Variants in CCDC6 observed in about 807,000 individuals in gnomAD.
CCDC6 encodes the protein coiled-coil domain containing 6.
Under a neutral mutation model 56.6 loss-of-function variants are expected in CCDC6, and 20 were observed. The observed-to-expected ratio is 0.35, with a 90% CI of 0.25 to 0.51. The LOEUF (loss-of-function observed/expected upper bound fraction) is 0.51, where lower values mean the gene tolerates loss of function less well. CCDC6 is among the 20% of genes least tolerant of loss of function. The probability of loss-of-function intolerance (pLI) is 0.95; values close to 1 mark genes in which losing one functional copy is unlikely to be tolerated. For synonymous variants in CCDC6, 241 were observed against 234.4 expected, an observed-to-expected ratio of 1.03 and a Z score of -0.26; for missense variants, 367 against 601.1, an observed-to-expected ratio of 0.61 and a Z score of 4.07.
chr10:59,815,049 C>T (rs575431223), intron 3 of CCDC6, among the ~76,000 whole-genome samples: 14 of 152,234 alleles, frequency 9.2e-5, no homozygotes, highest in Middle Eastern at 3.4e-3. Flanking sequence ...TAGGGGAGTT[C>T]GGTGTACTAG....
chr10:59,859,154 T>C (rs2071103204), intron 1 of CCDC6, among the ~76,000 whole-genome samples: 2 of 151,466 alleles, frequency 1.3e-5, no homozygotes, highest in Admixed American at 1.3e-4. Context: ...CAAGGATTAA[T>C]GAGAATACAA....
intron 1 of CCDC6, among the ~76,000 whole-genome samples, chr10:59,887,549 T>C (rs930937450): frequency 1.3e-5 from 2 of 150,302 alleles, no homozygotes; most frequent in African/African-American, 2.4e-5. Flanking sequence ...CAGAACAGAA[T>C]ATAATATCAT....
chr10:59,810,963 C>T lies in CCDC6; in HGVS notation c.847+1672G>A, dbSNP rs540590434. On this transcript the variant is annotated intron_variant, in intron 5 of 8. Transcript: ENST00000263102. ...TCAGAGTGAAAAGAAGATGTAACAA[C>T]AGAGGCAGAGGTGGGGTGGTACGAC... 4.6e-5 allele frequency among the ~76,000 whole-genome samples: 7 copies of T among 152,168 alleles called. No homozygotes were observed. In the East Asian group the frequency reaches 1.2e-3, roughly 25 times the overall value.
intron 1 of CCDC6, among the ~76,000 whole-genome samples, chr10:59,905,617 T>A (rs1203871324): frequency 6.6e-6 from 1 of 151,416 alleles, no homozygotes; most frequent in Non-Finnish European, 1.5e-5. Context: ...TCCCGCCCCC[T>A]CCCCGGGCGA....
chr10:59,904,931 A>G (rs1252090862), intron 1 of CCDC6, among the ~76,000 whole-genome samples: 1 of 152,244 alleles, frequency 6.6e-6, no homozygotes, highest in Non-Finnish European at 1.5e-5. Context: ...GGGGCATCCT[A>G]AACTTGCTCC....
intron 1 of CCDC6, among the ~76,000 whole-genome samples, chr10:59,898,612 C>T (rs1004534269): frequency 6.6e-6 from 1 of 152,212 alleles, no homozygotes; most frequent in Non-Finnish European, 1.5e-5. Context: ...GTATTCCCTA[C>T]AGCACCAGGC....
At chr10:59,819,483 A>G (rs1041182709) in intron 3 of CCDC6, among the ~76,000 whole-genome samples, 1 of 152,138 alleles carries the variant, frequency 6.6e-6, no homozygotes, top group African/African-American at 2.4e-5. Flanking sequence ...TTTCCCCACC[A>G]CTTCCTGCCC....
chr10:59,879,110 C>T (rs975495659), intron 1 of CCDC6, among the ~76,000 whole-genome samples: 3 of 152,068 alleles, frequency 2.0e-5, no homozygotes, highest in African/African-American at 7.2e-5. Flanking sequence ...AGTGAAGGGT[C>T]AAGTGTGATT....
At chr10:59,885,355 ATTAAAGTACCATT>A (rs939006178) in intron 1 of CCDC6, among the ~76,000 whole-genome samples, 20 of 152,344 alleles carry the variant, frequency 1.3e-4, no homozygotes, top group African/African-American at 4.1e-4. Flanking sequence ...AAGAGAATGG[ATTAAAGTACCATT>A]TTTGCAGGTC....
chr10:59,859,004 T>C (rs916619626), intron 1 of CCDC6, among the ~76,000 whole-genome samples: 2 of 152,098 alleles, frequency 1.3e-5, no homozygotes, highest in Non-Finnish European at 2.9e-5. Context: ...TGCTTTCTCC[T>C]CTAAAGTGAA....
chr10:59,832,743 T>C (rs1362238333), intron 2 of CCDC6, 90 bp from the exon 3 acceptor site: 4 of 1,398,354 alleles, frequency 2.9e-6, no homozygotes, highest in Non-Finnish European at 3.9e-6. Context: ...ACAAAGAAGC[T>C]ATACCACAAA....
intron 5 of CCDC6, 104 bp from the exon 6 acceptor site, chr10:59,807,182 T>C (rs748708363): frequency 1.5e-5 from 15 of 1,017,148 alleles, no homozygotes; most frequent in South Asian, 3.2e-5. Context: ...ACAGAGGGAA[T>C]TGTTACAAGA....
chr10:59,803,437 T>C (rs1201619205), intron 7 of CCDC6, among the ~76,000 whole-genome samples: 2 of 152,220 alleles, frequency 1.3e-5, no homozygotes, highest in Non-Finnish European at 2.9e-5. Context: ...CCTCACTCTA[T>C]TCTACTGCAA....
intron 1 of CCDC6, among the ~76,000 whole-genome samples, chr10:59,853,080 A>G (rs2071052677): frequency 2.0e-5 from 3 of 152,138 alleles, no homozygotes; most frequent in South Asian, 4.1e-4. Context: ...ACATCAATTC[A>G]TGATAACTCT....
intron 2 of CCDC6, among the ~76,000 whole-genome samples, chr10:59,839,509 ATATATCATGGTC>A (rs553190895): frequency 3.9e-5 from 6 of 152,148 alleles, no homozygotes; most frequent in Non-Finnish European, 8.8e-5. Flanking sequence ...GACATTACCC[ATATATCATGGTC>A]TGCCCCAAAG....
At chr10:59,847,708 T>A (rs560363497) in intron 2 of CCDC6, among the ~76,000 whole-genome samples, 1 of 152,288 alleles carries the variant, frequency 6.6e-6, no homozygotes, top group South Asian at 2.1e-4. Context: ...AAGTATCATG[T>A]TGCTGTTTCA....
intron 1 of CCDC6, among the ~76,000 whole-genome samples, chr10:59,882,405 A>G (rs1456139874): frequency 0.42 from 641 of 1,540 alleles, 24 homozygotes; most frequent in East Asian, 0.49. Flanking sequence ...AAGGAAAGCC[A>G]GGGGGAGAAG....
At chr10:59,808,152 T>G (rs2070642404) in intron 5 of CCDC6, among the ~76,000 whole-genome samples, 1 of 152,088 alleles carries the variant, frequency 6.6e-6, no homozygotes, top group South Asian at 2.1e-4. Flanking sequence ...AATCCAGGTC[T>G]CTGCTACAGC....
chr10:59,794,397 C>A lies in CCDC6; in HGVS notation c.1230+76G>T, dbSNP rs114960441. On this transcript the variant is annotated intron_variant, in intron 8 of 8. Transcript: ENST00000263102. ...AAGAAGGGCAAATGTCTAAGGGCAC[C>A]GATCCTGTTCTCCAGAACACCAGTC... 2.7e-6 allele frequency: 4 copies of A among 1,489,634 alleles called. No homozygotes were observed. The South Asian group carries it at 3.6e-5, about 13-fold the overall frequency. 92.3% of individuals were successfully genotyped at this position (1,489,634 alleles called of 1,614,324 possible).
Sources: gnomAD v4.1 joint callset for allele counts (sites outside exome capture counted in the v4.1 genomes callset) on GRCh38, gnomAD v4.1.1 for gene constraint, MANE v1.5 for transcripts, NCBI Gene and HGNC (gene_info 2026-07-23, HGNC 2026-07-21) for gene names.